Variants in TAFA5 observed in about 807,000 individuals in gnomAD.
The protein encoded by TAFA5 is TAFA chemokine like family member 5, also known as chemokine-like protein TAFA-5.
In TAFA5, 6 loss-of-function variants were observed where a neutral mutation model predicts 15.3. The observed-to-expected ratio is 0.39, with a 90% CI of 0.21 to 0.77. TAFA5 has a LOEUF of 0.77. TAFA5 is among the 30% of genes least tolerant of loss of function. The pLI is 0.41. For missense variants in TAFA5, 161 were observed against 193.1 expected (o/e 0.83, Z 0.98); for synonymous variants, 103 against 80.7 (o/e 1.28, Z -1.48).
At chr22:48,542,342 GTGGTGTGTGTGCATAT>G in intron 1 of TAFA5, among the ~76,000 whole-genome samples, 1 of 136,702 alleles carries the variant, frequency 7.3e-6, no homozygotes, top group South Asian at 2.5e-4. Flanking sequence ...TGGTGTGTGT[GTGGTGTGTGTGCATAT>G]GTGTGTGTGC....
intron 3 of TAFA5, among the ~76,000 whole-genome samples, chr22:48,710,747 T>C (rs577941967): frequency 5.1e-4 from 78 of 152,344 alleles, no homozygotes; most frequent in Middle Eastern, 3.4e-3. Flanking sequence ...CGAGCCTTCC[T>C]GGCTTTGGGA....
At chr22:48,593,988 T>C (rs1460156230) in intron 1 of TAFA5, among the ~76,000 whole-genome samples, 2 of 152,210 alleles carry the variant, frequency 1.3e-5, no homozygotes, top group African/African-American at 4.8e-5. Flanking sequence ...TCTTCTGAAG[T>C]CCTTATGTAA....
intron 2 of TAFA5, among the ~76,000 whole-genome samples, chr22:48,688,535 G>T (rs1374044445): frequency 6.6e-6 from 1 of 152,230 alleles, no homozygotes; most frequent in Non-Finnish European, 1.5e-5. Context: ...CCTGCCCCCT[G>T]AGGGCCAGAT....
chr22:48,546,174 C>T (rs1237776749), intron 1 of TAFA5, among the ~76,000 whole-genome samples: 1 of 152,216 alleles, frequency 6.6e-6, no homozygotes, highest in Non-Finnish European at 1.5e-5. Flanking sequence ...AAGAAGCGTG[C>T]CTCCCCATGG....
At chr22:48,577,479 G>A (rs1923856717) in intron 1 of TAFA5, among the ~76,000 whole-genome samples, 1 of 152,206 alleles carries the variant, frequency 6.6e-6, no homozygotes, top group African/African-American at 2.4e-5. Context: ...CTAGTGCTCT[G>A]GCACACAGGC....
chr22:48,572,398 C>T (rs527336785), intron 1 of TAFA5, among the ~76,000 whole-genome samples: 8 of 152,320 alleles, frequency 5.3e-5, no homozygotes, highest in East Asian at 3.9e-4. Flanking sequence ...GGCATGCAGC[C>T]GATGGGCAAA....
intron 1 of TAFA5, among the ~76,000 whole-genome samples, chr22:48,587,813 T>A (rs2147153925): frequency 6.6e-6 from 1 of 152,326 alleles, no homozygotes; most frequent in South Asian, 2.1e-4. Flanking sequence ...GTTTTAAAAA[T>A]CAAATCAGCG....
chr22:48,737,492 A>T (rs539509350), intron 3 of TAFA5, among the ~76,000 whole-genome samples: 1 of 152,154 alleles, frequency 6.6e-6, no homozygotes, highest in Non-Finnish European at 1.5e-5. Flanking sequence ...AGTCGCCGAG[A>T]TGCTGTGGTC....
chr22:48,583,151 A>C (rs1924152922), intron 1 of TAFA5, among the ~76,000 whole-genome samples: 1 of 150,434 alleles, frequency 6.6e-6, no homozygotes, highest in Non-Finnish European at 1.5e-5. Context: ...CACACACCAC[A>C]CACAAAATAT....
Position 48,489,621 on chromosome 22 carries a change from G to C in TAFA5, c.29G>C (p.Arg10Pro), listed in dbSNP as rs1374701924. 11 of 1,508,112 alleles carry C rather than the reference G, an allele frequency of 7.3e-6. No individual in the cohort carries two copies. Among genetic ancestry groups the C allele is most frequent in the Non-Finnish European group, 8.9e-6 (10 of 1,126,876 alleles). The allele number at this position is 1,508,112 out of a possible 1,614,324, so 93.4% of individuals were successfully genotyped here. ...GCGCCATCGCCCAGGACCGGCAGCC[G>C]GCAAGATGCGACCGCCCTGCCCAGC... MAPSPRTGSRQDATALPSMS... is the reference protein window; with the variant it reads MAPSPRTGSPQDATALPSMS... The change falls in exon 1 of 4, where the codon CGG (arginine) becomes CCG (proline). Residue 10 changes from arginine (R) to proline (P), a missense_variant. Coordinates refer to ENST00000402357, the MANE Select transcript of TAFA5 (RefSeq NM_001082967.3). The surrounding 1 kb of genome is among the most constrained non-coding windows in gnomAD (Gnocchi z 5.5).
chr22:48,497,007 GC>G (rs1420154200), intron 1 of TAFA5, among the ~76,000 whole-genome samples: 3 of 152,212 alleles, frequency 2.0e-5, no homozygotes, highest in Admixed American at 1.3e-4. Flanking sequence ...TGGACTGGAG[GC>G]CCCCTCCTTA....
In TAFA5 at chr22:48,552,729, A is replaced by G. The variant is rs1000480780; in HGVS notation, c.112+63025A>G. Among the ~76,000 whole-genome samples the G allele has an allele frequency of 6.6e-6, 1 of 152,152 alleles. No individual in the cohort carries two copies. The highest frequency in any genetic ancestry group is 1.5e-5 in the Non-Finnish European group (1 of 68,020). ...TCCGTTTATCATACTGACAACTGGA[A>G]AAACCTTAAATAAACATTTATCATC... is the stretch of plus-strand genomic sequence containing the variant. On this transcript the variant is annotated intron_variant, in intron 1 of 3. Coordinates refer to ENST00000402357, the MANE Select transcript of TAFA5 (RefSeq NM_001082967.3). The surrounding 1 kb of genome is among the most constrained non-coding windows in gnomAD (Gnocchi z 4.1).
At chr22:48,605,671 G>A (rs1488334777) in intron 1 of TAFA5, among the ~76,000 whole-genome samples, 2 of 152,188 alleles carry the variant, frequency 1.3e-5, no homozygotes, top group African/African-American at 4.8e-5. Context: ...CCCAAAGCTT[G>A]TACCTGGGAG....
intron 3 of TAFA5, among the ~76,000 whole-genome samples, chr22:48,738,416 G>C (rs956423242): frequency 1.6e-4 from 24 of 152,096 alleles, no homozygotes; most frequent in African/African-American, 5.3e-4. Context: ...CACTCCTCCC[G>C]GGCAGCCACT....
At chr22:48,656,005 AT>A (rs71194371) in intron 2 of TAFA5, among the ~76,000 whole-genome samples, 11,474 of 147,790 alleles carry the variant, frequency 0.078, 1,245 homozygotes, top group African/African-American at 0.25. Flanking sequence ...CACCCGGCTA[AT>A]TTTTTTTTTG....
intron 3 of TAFA5, among the ~76,000 whole-genome samples, chr22:48,714,233 CCTGT>C: frequency 6.6e-6 from 1 of 152,338 alleles, no homozygotes; most frequent in Middle Eastern, 3.4e-3. Context: ...TCTGGAACCC[CCTGT>C]AGGGTGACAG....
At chr22:48,575,994 G>C (rs946338026) in intron 1 of TAFA5, among the ~76,000 whole-genome samples, 1 of 143,950 alleles carries the variant, frequency 6.9e-6, no homozygotes, top group Non-Finnish European at 1.5e-5. Context: ...CGAGCAGCGG[G>C]CGGTGGGGGC....
chr22:48,491,861 C>T (rs937959736), intron 1 of TAFA5, among the ~76,000 whole-genome samples: 1 of 152,236 alleles, frequency 6.6e-6, no homozygotes, highest in African/African-American at 2.4e-5. Flanking sequence ...GAGGCCTCCC[C>T]AGCGTTCTGG....
chr22:48,565,515 A>G (rs1412992389), intron 1 of TAFA5, among the ~76,000 whole-genome samples: 1 of 152,146 alleles, frequency 6.6e-6, no homozygotes, highest in Non-Finnish European at 1.5e-5. Flanking sequence ...GCTTAGCTCA[A>G]CCTGCCTGGC....
Sources: allele counts gnomAD v4.1 joint callset (sites outside exome capture counted in the v4.1 genomes callset), GRCh38; gene constraint gnomAD v4.1.1; non-coding constraint Gnocchi (gnomAD v3.1); transcripts MANE v1.5; gene names NCBI Gene and HGNC (gene_info 2026-07-23, HGNC 2026-07-21).